CDIN1: variants seen among roughly 807,000 people sequenced by gnomAD.
CDIN1 encodes the protein CDAN1-interacting nuclease 1.
CDIN1 carries 33 observed loss-of-function variants against 45.3 expected under a neutral mutation model. That is an observed-to-expected ratio of 0.73 (90% CI 0.55 to 0.97). The LOEUF is 0.97. Among genes scored for constraint, CDIN1 ranks in the 50% least tolerant of loss-of-function variants. CDIN1 has a pLI of 0.00. For synonymous variants in CDIN1, 118 were observed against 124.4 expected (o/e 0.95, Z 0.34); for missense variants, 303 against 339.4 (o/e 0.89, Z 0.84).
chr15:36,788,613 G>A (rs2054567529), intron 10 of CDIN1, among the ~76,000 whole-genome samples: 1 of 152,048 alleles, frequency 6.6e-6, no homozygotes, highest in African/African-American at 2.4e-5. Context: ...AGCAAAATGT[G>A]AAATATCTGA....
At chr15:36,633,599 A>C (rs1249205062) in intron 1 of CDIN1, among the ~76,000 whole-genome samples, 2 of 152,028 alleles carry the variant, frequency 1.3e-5, no homozygotes, top group African/African-American at 4.8e-5. Flanking sequence ...AGAATTTGTT[A>C]GCTATTCTTA....
In CDIN1 at chr15:36,808,596, A is replaced by G; in HGVS notation, c.*143A>G. 1 of 1,095,722 alleles carries G rather than the reference A, an allele frequency of 9.1e-7. No individual in the cohort carries two copies. The highest frequency in any genetic ancestry group is 1.3e-6 in the Non-Finnish European group (1 of 775,268). 67.9% of individuals were successfully genotyped at this position (1,095,722 alleles called of 1,614,324 possible). A position where few individuals can be genotyped will look rare whatever the true frequency, so the allele number is the denominator to read the frequency against. On this transcript the variant is annotated 3_prime_UTR_variant, in exon 11 of 11. Coordinates refer to ENST00000566621, the MANE Select transcript of CDIN1 (RefSeq NM_001321759.2). ...CCCGTAGTCACACCACTACCTCTTT[A>G]GACAAACATATCAAGAGTTTCTGTT...
intron 10 of CDIN1, among the ~76,000 whole-genome samples, chr15:36,748,329 G>A (rs924856312): frequency 2.0e-5 from 3 of 152,188 alleles, no homozygotes; most frequent in Non-Finnish European, 4.4e-5. Context: ...AGTCATTGCC[G>A]GGTCTTAGTT....
chr15:36,781,450 G>A (rs1407987797), intron 10 of CDIN1, among the ~76,000 whole-genome samples: 4 of 152,162 alleles, frequency 2.6e-5, no homozygotes, highest in Admixed American at 2.6e-4. Context: ...GTCACACTTG[G>A]AGCCTGGGAT....
At chr15:36,711,391 A>G (rs1001911820) in intron 10 of CDIN1, among the ~76,000 whole-genome samples, 1 of 152,122 alleles carries the variant, frequency 6.6e-6, no homozygotes, top group African/African-American at 2.4e-5. Flanking sequence ...ATTCCAAATT[A>G]TTATCTTTCT....
intron 1 of CDIN1, among the ~76,000 whole-genome samples, chr15:36,638,276 GA>G (rs1369619540): frequency 1.3e-5 from 2 of 152,096 alleles, no homozygotes; most frequent in Non-Finnish European, 2.9e-5. Flanking sequence ...AAAAACACAG[GA>G]AAATTATAGT....
intron 8 of CDIN1, chr15:36,706,815 C>T (rs930783203): frequency 1.3e-5 from 2 of 152,040 alleles, no homozygotes; most frequent in African/African-American, 2.4e-5. Context: ...GCCTTTGTGC[C>T]TTGTTGATAA....
chr15:36,694,503 T>C (rs2042355868), intron 7 of CDIN1, among the ~76,000 whole-genome samples: 1 of 152,222 alleles, frequency 6.6e-6, no homozygotes, highest in African/African-American at 2.4e-5. Flanking sequence ...TAAAGTAAGT[T>C]GGTCATTTAC....
At chr15:36,756,981 A>G (rs931203666) in intron 10 of CDIN1, among the ~76,000 whole-genome samples, 5 of 152,178 alleles carry the variant, frequency 3.3e-5, no homozygotes, top group African/African-American at 1.2e-4. Flanking sequence ...TGACAGGGAG[A>G]TGAGGCAATT....
At chr15:36,617,679 C>T (rs558170380) in intron 1 of CDIN1, 3 of 768,142 alleles carry the variant, frequency 3.9e-6, no homozygotes, top group East Asian at 2.5e-5. Flanking sequence ...AAGTCATAAG[C>T]GTTGTATTGT....
chr15:36,710,291 A>G (rs1213500007), intron 10 of CDIN1, among the ~76,000 whole-genome samples: 1 of 152,118 alleles, frequency 6.6e-6, no homozygotes, highest in Non-Finnish European at 1.5e-5. Context: ...TATCCTTTTG[A>G]TGTGAAATTT....
chr15:36,627,683 T>G (rs2140336751), intron 1 of CDIN1: 1 of 152,438 alleles, frequency 6.6e-6, no homozygotes, highest in Non-Finnish European at 1.5e-5. Flanking sequence ...ATCTACAGGG[T>G]CCACTCGGGG....
intron 10 of CDIN1, among the ~76,000 whole-genome samples, chr15:36,744,026 T>G (rs2044332072): frequency 6.6e-6 from 1 of 152,086 alleles, no homozygotes; most frequent in Non-Finnish European, 1.5e-5. Flanking sequence ...TGGTTTTCTA[T>G]TTCCCTGAAA....
chr15:36,726,158 T>C (rs2043616819), intron 10 of CDIN1, among the ~76,000 whole-genome samples: 1 of 152,190 alleles, frequency 6.6e-6, no homozygotes, highest in Admixed American at 6.6e-5. Context: ...TTGTTTTAGC[T>C]CTTCACCTGT....
At chr15:36,597,641 A>G (rs564228681) in intron 1 of CDIN1, among the ~76,000 whole-genome samples, 1 of 152,260 alleles carries the variant, frequency 6.6e-6, no homozygotes, top group East Asian at 1.9e-4. Flanking sequence ...CATCGTCTTT[A>G]TCTTTCCTTT....
intron 10 of CDIN1, chr15:36,746,934 G>A (rs1595550648): frequency 5.0e-6 from 2 of 398,024 alleles, no homozygotes; most frequent in Non-Finnish European, 8.9e-6. Flanking sequence ...ATGTTTTGTA[G>A]AGATGGGATC....
intron 1 of CDIN1, chr15:36,627,259 A>T (rs758128683): frequency 1.1e-4 from 18 of 164,390 alleles, no homozygotes; most frequent in Non-Finnish European, 2.2e-4. Context: ...GTGATCAAGG[A>T]GTGCATGGAG....
intron 1 of CDIN1, among the ~76,000 whole-genome samples, chr15:36,581,748 A>G (rs1029514438): frequency 1.3e-5 from 2 of 152,218 alleles, no homozygotes; most frequent in African/African-American, 4.8e-5. Context: ...GTGTGGTGGC[A>G]TGTGCCTTTA....
chr15:36,691,671 CTT>C lies in CDIN1; in HGVS notation c.347-11_347-10del. On this transcript the variant is annotated splice_polypyrimidine_tract_variant and intron_variant, in intron 5 of 10. Coordinates refer to ENST00000566621, the MANE Select transcript of CDIN1 (RefSeq NM_001321759.2). The stretch of plus-strand genomic sequence containing the variant: ...TTGACTATCTGCTAACAGTTCATCT[CTT>C]TTCTTCTACAGCCTCCAAGTCTATT... The C allele has an allele frequency of 1.3e-6, 2 of 1,556,372 alleles. No homozygotes were observed. Among genetic ancestry groups the C allele is most frequent in the Non-Finnish European group, 1.8e-6 (2 of 1,137,170 alleles).
Sources: gnomAD v4.1 joint callset for allele counts (sites outside exome capture counted in the v4.1 genomes callset) on GRCh38, gnomAD v4.1.1 for gene constraint, MANE v1.5 for transcripts, NCBI Gene and HGNC (gene_info 2026-07-23, HGNC 2026-07-21) for gene names.